Variants in THSD4 observed in about 807,000 individuals in gnomAD.
THSD4 encodes the protein thrombospondin type-1 domain-containing protein 4.
Under a neutral mutation model 119.0 loss-of-function variants are expected in THSD4, and 69 were observed. The ratio of observed to expected loss-of-function variants is 0.58; its 90% CI spans 0.48 to 0.71. The LOEUF is 0.71. Among genes scored for constraint, THSD4 ranks in the 30% least tolerant of loss-of-function variants. THSD4 has a pLI of 0.00. For synonymous variants in THSD4, 524 were observed against 540.4 expected (o/e 0.97, Z 0.42); for missense variants, 1,393 against 1,391.1 (o/e 1.00, Z -0.02).
chr15:71,576,990 T>A lies in THSD4; in HGVS notation c.1153-83540T>A, dbSNP rs58402625. 3.9e-4 allele frequency among the ~76,000 whole-genome samples: 59 copies of A among 151,906 alleles called. 2 individuals are homozygous for A. In the East Asian group the frequency reaches 0.01, roughly 26 times the overall value. ...GAGTGATATACAATTACTTTTTAAA[T>A]AAATAGAATGTTTTATATAATAAAT... is the stretch of plus-strand genomic sequence containing the variant. On this transcript the variant is annotated intron_variant, in intron 7 of 17. Transcript: ENST00000261862.
chr15:71,274,667 G>A (rs1820475739), intron 6 of THSD4, among the ~76,000 whole-genome samples: 1 of 152,170 alleles, frequency 6.6e-6, no homozygotes, highest in South Asian at 2.1e-4. Flanking sequence ...TAAAGAGGAA[G>A]GAGAATGCAG....
intron 7 of THSD4, among the ~76,000 whole-genome samples, chr15:71,575,100 GCA>G (rs78105038): frequency 0.22 from 33,275 of 151,966 alleles, 4,332 homozygotes; most frequent in Non-Finnish European, 0.29. Flanking sequence ...TCATTTTACT[GCA>G]CCATGGGAGA....
chr15:71,603,326 T>C (rs2050048262), intron 7 of THSD4, among the ~76,000 whole-genome samples: 1 of 152,148 alleles, frequency 6.6e-6, no homozygotes, highest in Admixed American at 6.5e-5. Context: ...ACCGCACAGA[T>C]TGAACACCAG....
chr15:71,315,105 T>A (rs1018842720), intron 6 of THSD4, among the ~76,000 whole-genome samples: 4 of 152,176 alleles, frequency 2.6e-5, no homozygotes, highest in African/African-American at 2.4e-5. Context: ...CAGGGAGGAC[T>A]ATTAGAACAC....
chr15:71,519,925 C>T (rs2048415494), intron 7 of THSD4, among the ~76,000 whole-genome samples: 1 of 152,076 alleles, frequency 6.6e-6, no homozygotes, highest in Non-Finnish European at 1.5e-5. Flanking sequence ...GGAAGGGAGC[C>T]TTCAGAAAAG....
At chr15:71,776,858 T>G (rs554384736) in intron 17 of THSD4, among the ~76,000 whole-genome samples, 1 of 152,316 alleles carries the variant, frequency 6.6e-6, no homozygotes, top group East Asian at 1.9e-4. Context: ...TTATACAGTA[T>G]GTATCTTTTA....
At chr15:71,147,233 C>A (rs2040671357) in intron 2 of THSD4, among the ~76,000 whole-genome samples, 1 of 152,176 alleles carries the variant, frequency 6.6e-6, no homozygotes, top group South Asian at 2.1e-4. Context: ...GAGACAGGGT[C>A]TCTCTCTGTT....
chr15:71,688,061 A>G (rs543904663), intron 8 of THSD4, among the ~76,000 whole-genome samples: 5 of 152,274 alleles, frequency 3.3e-5, no homozygotes, highest in African/African-American at 1.2e-4. Context: ...AGTTGCCTCT[A>G]CCTTCTATTT....
intron 6 of THSD4, among the ~76,000 whole-genome samples, chr15:71,257,740 C>T (rs1489443032): frequency 2.6e-5 from 4 of 152,108 alleles, no homozygotes; most frequent in Non-Finnish European, 4.4e-5. Flanking sequence ...AAATTGGATG[C>T]TAAATTGTTT....
intron 6 of THSD4, among the ~76,000 whole-genome samples, chr15:71,381,333 T>G (rs574038250): frequency 1.3e-5 from 2 of 152,236 alleles, no homozygotes; most frequent in South Asian, 2.1e-4. Flanking sequence ...ATCAATCTTA[T>G]GAAGTTCATT....
chr15:71,252,580 T>G (rs1241688151), intron 5 of THSD4, among the ~76,000 whole-genome samples: 1 of 152,224 alleles, frequency 6.6e-6, no homozygotes, highest in Non-Finnish European at 1.5e-5. Flanking sequence ...GGCTCTCTTG[T>G]CTGGGGACCC....
At position 71,546,547 on chromosome 15, in the gene THSD4, A is replaced by T. The variant is rs2048840613; in HGVS notation, c.1153-113983A>T. Among the ~76,000 whole-genome samples the T allele has an allele frequency of 3.9e-5, 6 of 152,104 alleles. No individual in the cohort carries two copies. The South Asian group carries it at 1.2e-3, about 32-fold the overall frequency. ...TTAAAACCATCCTGCATTTCAGTGT[A>T]CTCTGACAGCACTGTCTGACACTTG... On this transcript the variant is annotated intron_variant, in intron 7 of 17. Coordinates refer to ENST00000261862, the MANE Select transcript of THSD4 (RefSeq NM_024817.3).
intron 7 of THSD4, among the ~76,000 whole-genome samples, chr15:71,521,795 A>T (rs987927030): frequency 2.0e-5 from 3 of 152,186 alleles, no homozygotes; most frequent in African/African-American, 7.2e-5. Flanking sequence ...CGAGTAATAG[A>T]CATGTGTTTA....
intron 3 of THSD4, among the ~76,000 whole-genome samples, chr15:71,199,747 G>GTA: frequency 6.8e-6 from 1 of 147,920 alleles, no homozygotes; most frequent in African/African-American, 2.6e-5. Context: ...TAGTGTGTGT[G>GTA]GGTGTGTGTG....
intron 7 of THSD4, among the ~76,000 whole-genome samples, chr15:71,545,666 A>G (rs1448509803): frequency 2.6e-5 from 4 of 152,236 alleles, no homozygotes; most frequent in Non-Finnish European, 4.4e-5. Context: ...CCCTTTAGTT[A>G]GGTAGCAGAA....
At chr15:71,464,697 C>T (rs1485441079) in intron 7 of THSD4, among the ~76,000 whole-genome samples, 1 of 152,186 alleles carries the variant, frequency 6.6e-6, no homozygotes, top group Admixed American at 6.6e-5. Flanking sequence ...AGTTTAAGTA[C>T]AAACCCCCTA....
At chr15:71,688,473 A>G (rs2051965369) in intron 8 of THSD4, among the ~76,000 whole-genome samples, 1 of 152,206 alleles carries the variant, frequency 6.6e-6, no homozygotes, top group Admixed American at 6.5e-5. Flanking sequence ...GTAAAATGCT[A>G]ATGTGTAAAA....
chr15:71,715,583 G>A (rs996771974), intron 8 of THSD4, among the ~76,000 whole-genome samples: 1 of 149,764 alleles, frequency 6.7e-6, no homozygotes, highest in Admixed American at 6.7e-5. Context: ...GAATGTGGAA[G>A]CCACTGTGTG....
chr15:71,625,798 A>G (rs552490788), intron 7 of THSD4, among the ~76,000 whole-genome samples: 1 of 152,330 alleles, frequency 6.6e-6, no homozygotes, highest in South Asian at 2.1e-4. Flanking sequence ...TCACAATTCC[A>G]GGGTGGAGGG....
Sources: allele counts gnomAD v4.1 joint callset (sites outside exome capture counted in the v4.1 genomes callset), GRCh38; gene constraint gnomAD v4.1.1; transcripts MANE v1.5; gene names NCBI Gene and HGNC (gene_info 2026-07-23, HGNC 2026-07-21).